Variants in ADAM11 observed in about 807,000 individuals in gnomAD.
The protein encoded by ADAM11 is disintegrin and metalloproteinase domain-containing protein 11.
ADAM11 carries 49 observed loss-of-function variants against 119.1 expected under a neutral mutation model. The observed-to-expected ratio is 0.41, with a 90% CI of 0.33 to 0.52. The LOEUF is 0.52. Ranked by LOEUF, ADAM11 falls within the 20% of genes least tolerant of loss-of-function variation. The pLI, the probability that ADAM11 is intolerant of heterozygous loss-of-function variation, is 0.20. For synonymous variants in ADAM11, 364 were observed against 408.0 expected, an observed-to-expected ratio of 0.89 and a Z score of 1.30; for missense variants, 777 against 1,047.5, an observed-to-expected ratio of 0.74 and a Z score of 3.56.
intron 1 of ADAM11, 133 bp from the exon 2 acceptor site, chr17:44,759,589 A>G (rs2049363992): frequency 4.6e-6 from 6 of 1,299,754 alleles, no homozygotes; most frequent in Non-Finnish European, 5.9e-6. Flanking sequence ...CAGGGCAGCC[A>G]GATCCTCCCA....
At chr17:44,769,632 A>G (rs2049492102) in intron 2 of ADAM11, 86 bp from the exon 3 acceptor site, 1 of 768,504 alleles carries the variant, frequency 1.3e-6, no homozygotes, top group Non-Finnish European at 2.2e-6. Flanking sequence ...CCCCTTCCCC[A>G]GGGCTACTGT....
In ADAM11 at chr17:44,780,516, G is replaced by A. The variant is rs756253057; in HGVS notation, c.*762G>A. ...GATCGTCTCCAATTCGAAAACAACCGTCCTGCTGTCCCTGTCAGGACACAT... is the reference window on the plus strand; with the variant it reads ...GATCGTCTCCAATTCGAAAACAACCATCCTGCTGTCCCTGTCAGGACACAT... On this transcript the variant is annotated 3_prime_UTR_variant, in exon 27 of 27. Transcript: ENST00000200557. 26 of 248,456 alleles carry A rather than the reference G, an allele frequency of 1.0e-4. No homozygotes were observed. Among genetic ancestry groups the A allele is most frequent in the Admixed American group, 2.3e-4 (4 of 17,506 alleles). 15.4% of individuals were successfully genotyped at this position (248,456 alleles called of 1,614,324 possible).
rs1031855159 is a variant in ADAM11, at chr17:44,759,215, C to T, written c.16C>T (p.Arg6Cys). The T allele has an allele frequency of 2.1e-6, 3 of 1,435,674 alleles. No homozygotes were observed. Among genetic ancestry groups the T allele is most frequent in the Non-Finnish European group, 2.7e-6 (3 of 1,096,234 alleles). 88.9% of individuals were successfully genotyped at this position (1,435,674 alleles called of 1,614,324 possible). A position where few individuals can be genotyped will look rare whatever the true frequency, so the allele number is the denominator to read the frequency against. ...TGAGCGAGCCATGAGGCTGCTGCGG[C>T]GCTGGGCGTTCGCGGCTCTGCTGCT... The part of the protein sequence containing the change: MRLLR[R>C]WAFAALLLSL... The change falls in exon 1 of 27, where the codon CGC (arginine) becomes TGC (cysteine). Residue 6 changes from arginine to cysteine, a missense_variant. This residue lies in a region of ADAM11 where 278 missense variants were observed against 310.1 expected (regional missense o/e 0.90). Transcript: ENST00000200557.
rs1398799797 is a variant in ADAM11, at chr17:44,780,199, G to A, written c.*445G>A. 1 of 474,146 alleles carries A rather than the reference G, an allele frequency of 2.1e-6. No homozygotes were observed. The highest frequency in any genetic ancestry group is 2.0e-5 in the African/African-American group (1 of 50,344). The allele number at this position is 474,146 out of a possible 1,614,324, so 29.4% of individuals were successfully genotyped here. A position where few individuals can be genotyped will look rare whatever the true frequency, so the allele number is the denominator to read the frequency against. ...GCTGACATCTACATTTTTTAAAACTGAATCTTAATCGATGAATGTAAACTC... is the reference window on the plus strand; with the variant it reads ...GCTGACATCTACATTTTTTAAAACTAAATCTTAATCGATGAATGTAAACTC... On this transcript the variant is annotated 3_prime_UTR_variant, in exon 27 of 27. Coordinates refer to ENST00000200557, the MANE Select transcript of ADAM11 (RefSeq NM_002390.6).
chr17:44,778,047 G>A lies in ADAM11; in HGVS notation c.2166G>A (p.Gly722=), dbSNP rs777178839. The change falls in exon 24 of 27, where the codon GGG becomes GGA. Residue 722 remains glycine (G), a synonymous_variant. Coordinates refer to ENST00000200557, the MANE Select transcript of ADAM11 (RefSeq NM_002390.6). Reference sequence around the variant, plus strand: ...CCCTGCCCACGTCCCCACCCACGGGGGAGACGGAGAGATATAAAGGTGAGG... The same window carrying A: ...CCCTGCCCACGTCCCCACCCACGGGAGAGACGGAGAGATATAAAGGTGAGG... ...HNPLPTSPPT[G]ETERYKGPSG... 14 of 1,613,470 alleles carry A rather than the reference G, an allele frequency of 8.7e-6. No homozygotes were observed. The Admixed American group carries it at 2.2e-4, about 25-fold the overall frequency.
chr17:44,765,301 C>T (rs948312448), intron 2 of ADAM11, among the ~76,000 whole-genome samples: 3 of 152,150 alleles, frequency 2.0e-5, no homozygotes, highest in Non-Finnish European at 2.9e-5. Flanking sequence ...CCCCACTCTG[C>T]AGCCACCTGG....
intron 5 of ADAM11, 33 bp from the exon 6 acceptor site, chr17:44,771,723 G>A (rs2145225053): frequency 6.2e-7 from 1 of 1,612,476 alleles, no homozygotes; most frequent in Non-Finnish European, 8.5e-7. Context: ...CCAGGCCTGG[G>A]GACGGAGGGG....
Position 44,777,414 on chromosome 17 carries a change from C to T in ADAM11, c.1782-68C>T. ...GAGGTGGCAGGGTGCAGGGTGAGGGCAGATTAGAGTTCAGTAGTTGAGTCT... is the reference window on the plus strand; with the variant it reads ...GAGGTGGCAGGGTGCAGGGTGAGGGTAGATTAGAGTTCAGTAGTTGAGTCT... On this transcript the variant is annotated intron_variant, in intron 21 of 26. Transcript: ENST00000200557. The surrounding 1 kb of genome is among the most constrained non-coding windows in gnomAD (Gnocchi z 5.1). The T allele has an allele frequency of 1.3e-6, 2 of 1,567,498 alleles. No individual in the cohort carries two copies. Among genetic ancestry groups the T allele is most frequent in the South Asian group, 2.3e-5 (2 of 88,806 alleles).
rs141426630 is a variant in ADAM11, at chr17:44,768,761, C to T, written c.238-957C>T. ...GGCTCTCTTCCTTCCTGCAACCTGC[C>T]GTCCCCACCACAAAGGCCAGGCAGC... On this transcript the variant is annotated intron_variant, in intron 2 of 26. Transcript: ENST00000200557. Among the ~76,000 whole-genome samples, 23 of 152,318 alleles carry T rather than the reference C, an allele frequency of 1.5e-4. 1 individual carries two copies. The East Asian group carries it at 3.5e-3, about 23-fold the overall frequency.
Position 44,778,171 on chromosome 17 carries a change from C to T in ADAM11, c.2205C>T (p.Ile735=), listed in dbSNP as rs771111128. ...CCCCAGGTCCCAGCGGCACCAACAT[C>T]ATCATTGGCTCCATTGCTGGGGCTG... is the stretch of plus-strand genomic sequence containing the variant. ...ERYKGPSGTN[I]IIGSIAGAVL... Residue 735 remains isoleucine, a synonymous_variant, in exon 25 of 27, where the codon ATC becomes ATT. Coordinates refer to ENST00000200557, the MANE Select transcript of ADAM11 (RefSeq NM_002390.6). The T allele has an allele frequency of 6.2e-7, 1 of 1,613,804 alleles. No individual in the cohort carries two copies. The highest frequency in any genetic ancestry group is 8.5e-7 in the Non-Finnish European group (1 of 1,179,822).
At position 44,776,667 on chromosome 17, in the gene ADAM11, C is replaced by A; in HGVS notation, c.1567-78C>A. 6.5e-7 allele frequency: 1 copy of A among 1,548,638 alleles called. No homozygotes were observed. The highest frequency in any genetic ancestry group is 8.8e-7 in the Non-Finnish European group (1 of 1,133,094). ...AGCCCCCAATGGGGGGCACTTGGTA[C>A]CCCAGCATTCCTCCCTGGGGCAGCC... is the stretch of plus-strand genomic sequence containing the variant. On this transcript the variant is annotated intron_variant, in intron 18 of 26. Transcript: ENST00000200557. This position sits in a 1 kb window ranked among gnomAD's most constrained non-coding sequence, Gnocchi z 5.2.
At chr17:44,778,303 T>A in intron 25 of ADAM11, 61 bp downstream of exon 25, 1 of 1,509,360 alleles carries the variant, frequency 6.6e-7, no homozygotes. Context: ...GAATCCCTAC[T>A]GGTGGAGCTG....
intron 6 of ADAM11, 116 bp downstream of exon 6, chr17:44,771,947 C>G: frequency 8.1e-7 from 1 of 1,231,506 alleles, no homozygotes; most frequent in South Asian, 1.4e-5. Flanking sequence ...CCCAGCCTCA[C>G]TGCCCTCTTC....
chr17:44,779,252 C>A lies in ADAM11; in HGVS notation c.2294+13C>A, dbSNP rs2049656932. 1.9e-6 allele frequency: 3 copies of A among 1,577,580 alleles called. No homozygotes were observed. The highest frequency in any genetic ancestry group is 2.8e-5 in the African/African-American group (2 of 71,912). ...TTCGCCGAGGAAGGTACGACCCGACCCAGCAGGGGGCAGTGTGATGCCGGC... is the reference window on the plus strand; with the variant it reads ...TTCGCCGAGGAAGGTACGACCCGACACAGCAGGGGGCAGTGTGATGCCGGC... On this transcript the variant is annotated intron_variant, in intron 26 of 26. Coordinates refer to ENST00000200557, the MANE Select transcript of ADAM11 (RefSeq NM_002390.6).
At chr17:44,759,686 G>A in intron 1 of ADAM11, 36 bp from the exon 2 acceptor site, 1 of 1,315,072 alleles carries the variant, frequency 7.6e-7, no homozygotes, top group Non-Finnish European at 9.8e-7. Flanking sequence ...GCCCCAGGGT[G>A]GGCAGCTGCC....
intron 1 of ADAM11, 84 bp from the exon 2 acceptor site, chr17:44,759,638 G>A (rs910692870): frequency 2.3e-6 from 3 of 1,304,672 alleles, no homozygotes; most frequent in Non-Finnish European, 2.9e-6. Flanking sequence ...ACACCAGAGT[G>A]GGGGATGAGG....
intron 2 of ADAM11, among the ~76,000 whole-genome samples, chr17:44,768,305 T>C (rs1432041213): frequency 6.6e-6 from 1 of 152,314 alleles, no homozygotes; most frequent in Admixed American, 6.5e-5. Flanking sequence ...CAGGATGGAA[T>C]TGGGAGCCTT....
chr17:44,760,000 G>A (rs2049370688), intron 2 of ADAM11, 103 bp downstream of exon 2: 7 of 1,141,540 alleles, frequency 6.1e-6, no homozygotes, highest in Non-Finnish European at 7.8e-6. Context: ...CAGCTGCCCC[G>A]CAGGGTCCCC....
At position 44,777,800 on chromosome 17, in the gene ADAM11, T is replaced by A. The variant is rs952706550; in HGVS notation, c.2007T>A (p.Ala669=). 2.5e-6 allele frequency: 4 copies of A among 1,613,832 alleles called. No individual in the cohort carries two copies. Among genetic ancestry groups the A allele is most frequent in the Non-Finnish European group, 3.4e-6 (4 of 1,180,014 alleles). The part of the protein sequence containing the change: ...MLCLDHRCLP[A]SAFNFSTCPG... ...GCCTGGACCATCGCTGCCTGCCAGC[T>A]TCTGCCTTCAACTTCAGCACCTGCC... Residue 669 remains alanine, a synonymous_variant, in exon 23 of 27, where the codon GCT becomes GCA. Transcript: ENST00000200557. This position sits in a 1 kb window ranked among gnomAD's most constrained non-coding sequence, Gnocchi z 5.1.
Sources: gnomAD v4.1 joint callset for allele counts (sites outside exome capture counted in the v4.1 genomes callset) on GRCh38, gnomAD v4.1.1 for gene constraint, gnomAD v4.1.1 regional missense constraint, Gnocchi (gnomAD v3.1) non-coding constraint, MANE v1.5 for transcripts, NCBI Gene and HGNC (gene_info 2026-07-23, HGNC 2026-07-21) for gene names.